Variants in NBEAL1 observed in about 807,000 individuals in gnomAD.
The protein encoded by NBEAL1 is neurobeachin like 1.
In NBEAL1, 273 loss-of-function variants were observed where a neutral mutation model predicts 351.3. The ratio of observed to expected loss-of-function variants is 0.78; its 90% confidence interval spans 0.70 to 0.86. The LOEUF (loss-of-function observed/expected upper bound fraction) is 0.86. Ranked by LOEUF, NBEAL1 falls within the 40% of genes least tolerant of loss-of-function variation. The pLI is 0.00. For missense variants in NBEAL1, 2,961 were observed against 3,201.3 expected, an observed-to-expected ratio of 0.92 and a Z score of 1.81; for synonymous variants, 1,050 against 1,086.4, an observed-to-expected ratio of 0.97 and a Z score of 0.66.
chr2:203,125,590 T>C, intron 20 of NBEAL1, 70 bp downstream of exon 20: 1 of 1,285,664 alleles, frequency 7.8e-7, no homozygotes, highest in Non-Finnish European at 1.0e-6. Context: ...TAAATGAAAA[T>C]GTTTTACTGT....
intron 31 of NBEAL1, among the ~76,000 whole-genome samples, chr2:203,141,406 A>C (rs2063378996): frequency 4.5e-5 from 1 of 22,182 alleles, no homozygotes; most frequent in East Asian, 1.2e-3. Context: ...TTTCAGATGG[A>C]GTCTAGCTCT....
intron 7 of NBEAL1, among the ~76,000 whole-genome samples, chr2:203,071,786 C>G (rs1481780596): frequency 6.6e-6 from 1 of 152,214 alleles, no homozygotes; most frequent in Non-Finnish European, 1.5e-5. Context: ...ATAGGATACA[C>G]ATTCCCATTC....
chr2:203,155,727 CATGAGCCATCACACTCAGCCTGTAAATAT>C (rs1395982206), intron 35 of NBEAL1, among the ~76,000 whole-genome samples: 1 of 152,192 alleles, frequency 6.6e-6, no homozygotes, highest in East Asian at 1.9e-4. Flanking sequence ...GGATTACAGG[CATGAGCCATCACACTCAGCCTGTAAATAT>C]ATTTCTTTCT....
chr2:203,067,095 C>T (rs946855894), intron 6 of NBEAL1, among the ~76,000 whole-genome samples: 1 of 151,924 alleles, frequency 6.6e-6, no homozygotes, highest in Non-Finnish European at 1.5e-5. Context: ...CGGGCAGAGG[C>T]GCTCCTCACT....
intron 54 of NBEAL1, 35 bp downstream of exon 54, chr2:203,211,141 A>C: frequency 7.0e-7 from 1 of 1,432,272 alleles, no homozygotes; most frequent in Non-Finnish European, 9.4e-7. Context: ...ATCACTTAAG[A>C]AAAGGGGCAG....
chr2:203,018,464 T>G (rs2060716096), intron 2 of NBEAL1, among the ~76,000 whole-genome samples: 1 of 152,148 alleles, frequency 6.6e-6, no homozygotes, highest in South Asian at 2.1e-4. Context: ...GGGTCTCAGT[T>G]TTTCTCATTT....
chr2:203,111,394 CAG>C (rs1295702802), intron 15 of NBEAL1, among the ~76,000 whole-genome samples: 5 of 151,604 alleles, frequency 3.3e-5, no homozygotes, highest in African/African-American at 7.3e-5. Context: ...TCTTTTGAGA[CAG>C]AGTCTCGCTC....
rs1389359262 is a variant in NBEAL1, at chr2:203,056,460, C to G, written c.339C>G (p.Cys113Trp). The change falls in exon 5 of 56, where the codon TGC becomes TGG. Residue 113 changes from cysteine to tryptophan, a missense_variant. Transcript: ENST00000683969. ...NLSNVEEIGT[C>W]SYINYVITMT... ...CAAATGTGGAAGAAATTGGGACTTG[C>G]TCGTACATTAATTATGTCATCACCA... 1.3e-6 allele frequency: 2 copies of G among 1,550,572 alleles called. No individual in the cohort carries two copies. The highest frequency in any genetic ancestry group is 4.8e-5 in the East Asian group (2 of 41,884).
intron 46 of NBEAL1, 77 bp downstream of exon 46, chr2:203,190,466 A>C: frequency 2.0e-6 from 2 of 1,004,350 alleles, no homozygotes; most frequent in Middle Eastern, 3.0e-4. Context: ...TATTGCAGTC[A>C]AGATCCATGT....
At chr2:203,186,265 C>G (rs2064894593) in intron 44 of NBEAL1, among the ~76,000 whole-genome samples, 1 of 152,200 alleles carries the variant, frequency 6.6e-6, no homozygotes, top group Non-Finnish European at 1.5e-5. Flanking sequence ...AATTCAGTAT[C>G]TCATTATCTA....
At chr2:203,090,906 GAAGGAAAGGAAGGA>G (rs2062051486) in intron 10 of NBEAL1, among the ~76,000 whole-genome samples, 1 of 149,116 alleles carries the variant, frequency 6.7e-6, no homozygotes, top group Non-Finnish European at 1.5e-5. Flanking sequence ...GAAAAGAAAA[GAAGGAAAGGAAGGA>G]AAGGGAAAAG....
Position 203,062,029 on chromosome 2 carries a change from G to A in NBEAL1, c.515+4576G>A. 1 of 336,508 alleles carries A rather than the reference G, an allele frequency of 3.0e-6. No individual in the cohort carries two copies. 20.8% of individuals were successfully genotyped at this position (336,508 alleles called of 1,614,324 possible). On this transcript the variant is annotated intron_variant, in intron 6 of 55. Transcript: ENST00000683969. This position sits in a 1 kb window ranked among gnomAD's most constrained non-coding sequence, Gnocchi z 4.2. Reference sequence around the variant, plus strand: ...CTCACACTCAAATAGTTTGTGTCCAGAGTGAGATATAATATACCTGTGAAG... The same window carrying A: ...CTCACACTCAAATAGTTTGTGTCCAAAGTGAGATATAATATACCTGTGAAG...
chr2:203,203,437 A>C lies in NBEAL1; in HGVS notation c.7506+656A>C, dbSNP rs1014825294. 2.0e-5 allele frequency among the ~76,000 whole-genome samples: 3 copies of C among 152,092 alleles called. No individual in the cohort carries two copies. The South Asian group carries it at 6.2e-4, about 32-fold the overall frequency. On this transcript the variant is annotated intron_variant, in intron 51 of 55. Transcript: ENST00000683969. ...TGATCCACCTGCCTTGGCCTCCCAA[A>C]GTGCTGGGATTATAGGTATGAGCCA... is the stretch of plus-strand genomic sequence containing the variant.
At position 203,041,952 on chromosome 2, in the gene NBEAL1, T is replaced by C. The variant is rs2061149064; in HGVS notation, c.143+96T>C. 1.1e-5 allele frequency: 9 copies of C among 795,280 alleles called. No individual in the cohort carries two copies. In the East Asian group the frequency reaches 2.1e-4, roughly 19 times the overall value. 49.3% of individuals were successfully genotyped at this position (795,280 alleles called of 1,614,324 possible). A position where few individuals can be genotyped will look rare whatever the true frequency, so the allele number is the denominator to read the frequency against. ...CATATTACAAGGATGGCAATTATGTTACCCTCTTGATACTCATGAATAACC... is the reference window on the plus strand; with the variant it reads ...CATATTACAAGGATGGCAATTATGTCACCCTCTTGATACTCATGAATAACC... On this transcript the variant is annotated intron_variant, in intron 3 of 55. Transcript: ENST00000683969.
intron 2 of NBEAL1, among the ~76,000 whole-genome samples, chr2:203,017,201 T>C (rs1364192586): frequency 1.3e-5 from 2 of 152,236 alleles, no homozygotes; most frequent in African/African-American, 4.8e-5. Context: ...ACATTATTAC[T>C]TTGAAGATAC....
At chr2:203,087,354 G>A (rs531645369) in intron 10 of NBEAL1, among the ~76,000 whole-genome samples, 20 of 151,158 alleles carry the variant, frequency 1.3e-4, no homozygotes, top group African/African-American at 4.4e-4. Flanking sequence ...GCCTCCCAAA[G>A]TGCTGGGATT....
chr2:203,208,521 G>A, intron 51 of NBEAL1, 116 bp from the exon 52 acceptor site: 2 of 703,202 alleles, frequency 2.8e-6, no homozygotes, highest in Non-Finnish European at 5.1e-6. Context: ...AGACTCAGTG[G>A]TTGTAACTAG....
intron 18 of NBEAL1, among the ~76,000 whole-genome samples, chr2:203,119,422 TGC>T (rs1323788954): frequency 8.4e-6 from 1 of 118,346 alleles, no homozygotes; most frequent in Non-Finnish European, 1.7e-5. Context: ...TACGGCCTGT[TGC>T]TTTTTTTTTT....
chr2:203,209,185 A>C lies in NBEAL1; in HGVS notation c.7648A>C (p.Ile2550Leu). 6.2e-7 allele frequency: 1 copy of C among 1,613,298 alleles called. No individual in the cohort carries two copies. Among genetic ancestry groups the C allele is most frequent in the East Asian group, 2.2e-5 (1 of 44,856 alleles). Residue 2550 changes from isoleucine (I) to leucine (L), a missense_variant, in exon 53 of 56, where the codon ATT becomes CTT. Coordinates refer to ENST00000683969, the MANE Select transcript of NBEAL1 (RefSeq NM_001378026.1). ...GGATGGAACGGTGATTATACATACC[A>C]TTCAGAAAGGTCAGTACATGAGGAC... ...SRDGTVIIHTIQKGQYMRTLR... is the reference protein window; with the variant it reads ...SRDGTVIIHTLQKGQYMRTLR...
Sources: gnomAD v4.1 joint callset for allele counts (sites outside exome capture counted in the v4.1 genomes callset) on GRCh38, gnomAD v4.1.1 for gene constraint, Gnocchi (gnomAD v3.1) non-coding constraint, MANE v1.5 for transcripts, NCBI Gene and HGNC (gene_info 2026-07-23, HGNC 2026-07-21) for gene names.